KDM7A: variants seen among roughly 807,000 people sequenced by gnomAD.
The protein encoded by KDM7A is lysine-specific demethylase 7A.
KDM7A carries 28 observed loss-of-function variants against 114.8 expected under a neutral mutation model. The ratio of observed to expected loss-of-function variants is 0.24; its 90% confidence interval spans 0.18 to 0.33. KDM7A has a LOEUF of 0.33. Among genes scored for constraint, KDM7A ranks in the 10% least tolerant of loss-of-function variants. The pLI, the probability that KDM7A is intolerant of heterozygous loss-of-function variation, is 1.00. For missense variants in KDM7A, 942 were observed against 1,142.5 expected (o/e 0.82, Z 2.53); for synonymous variants, 423 against 397.8 (o/e 1.06, Z -0.75).
intron 17 of KDM7A, among the ~76,000 whole-genome samples, chr7:140,096,289 A>G (rs1818107778): frequency 6.6e-6 from 1 of 152,246 alleles, no homozygotes; most frequent in African/African-American, 2.4e-5. Context: ...TGTCTGTAAA[A>G]GGGAAATAAT....
intron 7 of KDM7A, among the ~76,000 whole-genome samples, chr7:140,123,725 G>T (rs1490145498): frequency 6.6e-6 from 1 of 152,076 alleles, no homozygotes; most frequent in Non-Finnish European, 1.5e-5. Flanking sequence ...TCCCACAATG[G>T]AACATTACTG....
intron 1 of KDM7A, among the ~76,000 whole-genome samples, chr7:140,168,867 CTG>C (rs1273675237): frequency 1.3e-5 from 2 of 152,140 alleles, no homozygotes; most frequent in East Asian, 1.9e-4. Flanking sequence ...AGGTTTCTCA[CTG>C]TTGTACAAAA....
intron 9 of KDM7A, 31 bp from the exon 10 acceptor site, chr7:140,113,613 A>C: frequency 8.5e-7 from 1 of 1,179,590 alleles, no homozygotes; most frequent in South Asian, 1.3e-5. Context: ...TGAGAAAAAA[A>C]AATAGTTAAA....
At chr7:140,092,260 C>A in intron 18 of KDM7A, 183 bp from the exon 19 acceptor site, 1 of 610,594 alleles carries the variant, frequency 1.6e-6, no homozygotes, top group Non-Finnish European at 2.8e-6. Flanking sequence ...CTGAAGGACT[C>A]GGGTCTTTAA....
intron 5 of KDM7A, among the ~76,000 whole-genome samples, chr7:140,127,147 G>C (rs556480983): frequency 6.6e-6 from 1 of 152,310 alleles, no homozygotes; most frequent in South Asian, 2.1e-4. Context: ...TTTTAGTAGA[G>C]AGGGGGTTAC....
rs779088264 is a variant in KDM7A, at chr7:140,133,578, C to T, written c.359G>A (p.Arg120Lys). 6.2e-7 allele frequency: 1 copy of T among 1,611,006 alleles called. No homozygotes were observed. The highest frequency in any genetic ancestry group is 8.5e-7 in the Non-Finnish European group (1 of 1,177,448). ...AGAGCGTAATTCCTTAATGAAAGTTCTAGTTCCAGCTTGCACTGGTTTGGA... is the reference window on the plus strand; with the variant it reads ...AGAGCGTAATTCCTTAATGAAAGTTTTAGTTCCAGCTTGCACTGGTTTGGA... ...DGSKPVQAGTRTFIKELRSRV... is the reference protein window; with the variant it reads ...DGSKPVQAGTKTFIKELRSRV... Residue 120 changes from arginine to lysine, a missense_variant, in exon 3 of 20, where the codon AGA becomes AAA. Coordinates refer to ENST00000397560, the MANE Select transcript of KDM7A (RefSeq NM_030647.2).
chr7:140,157,986 A>AT (rs1327383746), intron 1 of KDM7A, among the ~76,000 whole-genome samples: 5 of 113,992 alleles, frequency 4.4e-5, no homozygotes, highest in African/African-American at 1.4e-4. Context: ...AAATAAATAA[A>AT]TAAATAAATA....
chr7:140,117,484 G>A (rs1230736729), intron 9 of KDM7A, among the ~76,000 whole-genome samples: 3 of 151,856 alleles, frequency 2.0e-5, no homozygotes, highest in African/African-American at 7.3e-5. Context: ...GTGTGTGTGT[G>A]TGTTCGTGGA....
At chr7:140,102,598 C>A (rs1818250601) in intron 11 of KDM7A, among the ~76,000 whole-genome samples, 1 of 152,156 alleles carries the variant, frequency 6.6e-6, no homozygotes, top group Non-Finnish European at 1.5e-5. Context: ...GTCTTGAACT[C>A]CTGAGCTCAG....
intron 2 of KDM7A, among the ~76,000 whole-genome samples, chr7:140,135,432 A>C (rs1818853406): frequency 6.6e-6 from 1 of 151,996 alleles, no homozygotes; most frequent in African/African-American, 2.4e-5. Flanking sequence ...CGATCTCCTG[A>C]CCTTGTGATC....
rs762654438 is a variant in KDM7A at position 140,120,547 on chromosome 7, A to AT, written c.1052-19dup. ...GATCCACCCTAAAATGGTTGAAAAT[A>AT]TATAAACCAGTCATTTTTCAATATG... On this transcript the variant is annotated intron_variant, in intron 7 of 19. Coordinates refer to ENST00000397560, the MANE Select transcript of KDM7A (RefSeq NM_030647.2). 41 of 1,495,518 alleles carry AT rather than the reference A, an allele frequency of 2.7e-5. No individual in the cohort carries two copies. The highest frequency in any genetic ancestry group is 4.1e-5 in the African/African-American group (3 of 72,606). 92.6% of individuals were successfully genotyped at this position (1,495,518 alleles called of 1,614,324 possible). A position where few individuals can be genotyped will look rare whatever the true frequency, so the allele number is the denominator to read the frequency against.
chr7:140,110,777 G>A (rs1184426284), intron 11 of KDM7A, among the ~76,000 whole-genome samples: 1 of 152,054 alleles, frequency 6.6e-6, no homozygotes, highest in Admixed American at 6.5e-5. Context: ...ACATAAACAT[G>A]TATTCCTCTC....
At chr7:140,129,719 T>A in intron 3 of KDM7A, 66 bp from the exon 4 acceptor site, 1 of 957,758 alleles carries the variant, frequency 1.0e-6, no homozygotes. Flanking sequence ...AAAAATACGG[T>A]AGTGATGGGT....
At chr7:140,159,273 G>C (rs967587596) in intron 1 of KDM7A, among the ~76,000 whole-genome samples, 1 of 152,182 alleles carries the variant, frequency 6.6e-6, no homozygotes, top group Non-Finnish European at 1.5e-5. Context: ...CTTGAACCCG[G>C]GAGGTGGAGA....
intron 1 of KDM7A, among the ~76,000 whole-genome samples, chr7:140,140,603 G>A (rs1235572153): frequency 8.6e-5 from 13 of 152,000 alleles, no homozygotes; most frequent in Admixed American, 7.2e-4. Context: ...GGGAAACCCC[G>A]TCTCTACTAA....
rs899096734 is a variant in KDM7A, at chr7:140,161,571, G to A, written c.194+15173C>T. Among the ~76,000 whole-genome samples, 98 of 150,850 alleles carry A rather than the reference G, an allele frequency of 6.5e-4. 1 individual carries two copies. Among genetic ancestry groups the A allele is most frequent in the African/African-American group, 2.3e-3 (94 of 40,994 alleles). On this transcript the variant is annotated intron_variant, in intron 1 of 19. Transcript: ENST00000397560. ...TTTTTTTTTCTACGGTGGGGGGGAC[G>A]GAGTCTCGCTCTGTCACCCAGGCTG... is the stretch of plus-strand genomic sequence containing the variant.
chr7:140,101,521 C>A (rs938845065), intron 12 of KDM7A, among the ~76,000 whole-genome samples: 5 of 152,168 alleles, frequency 3.3e-5, no homozygotes, highest in Non-Finnish European at 2.9e-5. Context: ...TTACCCCATC[C>A]CCCTTTATTC....
intron 17 of KDM7A, among the ~76,000 whole-genome samples, chr7:140,095,127 C>T (rs1034750865): frequency 6.6e-6 from 1 of 152,160 alleles, no homozygotes; most frequent in Admixed American, 6.5e-5. Flanking sequence ...GGATTACTGG[C>T]GTGAACCACT....
intron 2 of KDM7A, among the ~76,000 whole-genome samples, chr7:140,135,346 G>C (rs1317639565): frequency 6.6e-6 from 1 of 151,956 alleles, no homozygotes; most frequent in African/African-American, 2.4e-5. Flanking sequence ...TGGACTACAG[G>C]GGTGTGCCAC....
Sources: gnomAD v4.1 joint callset for allele counts (sites outside exome capture counted in the v4.1 genomes callset) on GRCh38, gnomAD v4.1.1 for gene constraint, MANE v1.5 for transcripts, NCBI Gene and HGNC (gene_info 2026-07-23, HGNC 2026-07-21) for gene names.